The following NEGR1 variants were observed in gnomAD, a reference collection of about 807,000 sequenced individuals.
NEGR1 encodes IgLON family member 4.
NEGR1 carries 10 observed loss-of-function variants against 40.9 expected under a neutral mutation model. The observed-to-expected ratio is 0.24, with a 90% CI of 0.15 to 0.42. NEGR1 has a LOEUF of 0.42. Among genes scored for constraint, NEGR1 ranks in the 10% least tolerant of loss-of-function variants. The pLI is 1.00. For synonymous variants in NEGR1, 185 were observed against 166.8 expected (o/e 1.11, Z -0.84); for missense variants, 352 against 438.9 (o/e 0.80, Z 1.77).
At chr1:72,082,988 G>A (rs57290190) in intron 1 of NEGR1, among the ~76,000 whole-genome samples, 1 of 152,052 alleles carries the variant, frequency 6.6e-6, no homozygotes, top group Non-Finnish European at 1.5e-5. Flanking sequence ...TTGCTTCATT[G>A]TAGCAATTAT....
At chr1:72,099,298 C>G (rs566418555) in intron 1 of NEGR1, among the ~76,000 whole-genome samples, 4 of 151,790 alleles carry the variant, frequency 2.6e-5, no homozygotes, top group African/African-American at 9.7e-5. Flanking sequence ...AATACAATTG[C>G]TTTTCCTATC....
At chr1:72,225,869 T>A (rs753681398) in intron 1 of NEGR1, among the ~76,000 whole-genome samples, 16 of 151,772 alleles carry the variant, frequency 1.1e-4, no homozygotes, top group Non-Finnish European at 2.2e-4. Flanking sequence ...AATCTGTCAC[T>A]TTTGATGAAA....
chr1:71,660,175 G>A (rs1458313188), intron 4 of NEGR1, among the ~76,000 whole-genome samples: 2 of 152,144 alleles, frequency 1.3e-5, no homozygotes. Flanking sequence ...GTCTTTTGCA[G>A]AAACATGGAT....
At chr1:72,260,187 T>G (rs1266294207) in intron 1 of NEGR1, among the ~76,000 whole-genome samples, 1 of 152,048 alleles carries the variant, frequency 6.6e-6, no homozygotes, top group Non-Finnish European at 1.5e-5. Context: ...AGTGAAAGAA[T>G]CTAGATTACT....
At chr1:71,795,174 A>G (rs1399676630) in intron 2 of NEGR1, among the ~76,000 whole-genome samples, 5 of 152,036 alleles carry the variant, frequency 3.3e-5, no homozygotes, top group African/African-American at 1.2e-4. Flanking sequence ...CTGAAGATAC[A>G]CATATATCAC....
At chr1:71,946,688 A>G (rs1646022608) in intron 1 of NEGR1, among the ~76,000 whole-genome samples, 1 of 151,602 alleles carries the variant, frequency 6.6e-6, no homozygotes, top group East Asian at 1.9e-4. Context: ...AAAATGCTGT[A>G]TATAAATTAG....
intron 6 of NEGR1, among the ~76,000 whole-genome samples, chr1:71,429,275 T>C (rs1646450003): frequency 6.6e-6 from 1 of 152,192 alleles, no homozygotes; most frequent in African/African-American, 2.4e-5. Flanking sequence ...TTATTTTACA[T>C]ATCAGGAACA....
intron 3 of NEGR1, among the ~76,000 whole-genome samples, chr1:71,756,908 A>G (rs1655762909): frequency 6.6e-6 from 1 of 152,142 alleles, no homozygotes; most frequent in Non-Finnish European, 1.5e-5. Context: ...AAATTGTTTA[A>G]TAAATTCCAT....
chr1:71,968,151 T>G (rs1646225572), intron 1 of NEGR1, among the ~76,000 whole-genome samples: 2 of 152,182 alleles, frequency 1.3e-5, no homozygotes, highest in Admixed American at 6.5e-5. Context: ...AATTTTTCCC[T>G]TCAGAAATGT....
intron 6 of NEGR1, among the ~76,000 whole-genome samples, chr1:71,530,761 G>C (rs1227767698): frequency 6.6e-6 from 1 of 151,254 alleles, no homozygotes; most frequent in Non-Finnish European, 1.5e-5. Context: ...AATGGCTGCT[G>C]CTTGGGCATT....
chr1:72,282,256 G>C (rs1285761004), intron 1 of NEGR1, 63 bp downstream of exon 1: 1 of 1,576,564 alleles, frequency 6.3e-7, no homozygotes. Context: ...AAGGCAAAGA[G>C]GGTTCAAAGA....
chr1:71,412,683 C>T lies in NEGR1; in HGVS notation c.941-5113G>A, dbSNP rs946670090. ...AGGCAAAGTGTGTAATGAAATTGTT[C>T]TATTTCTTTCTTACTACCTGCTTAA... On this transcript the variant is annotated intron_variant, in intron 6 of 6. Coordinates refer to ENST00000357731, the MANE Select transcript of NEGR1 (RefSeq NM_173808.3). Among the ~76,000 whole-genome samples the T allele has an allele frequency of 4.6e-5, 7 of 152,114 alleles. No homozygotes were observed. The East Asian group carries it at 5.8e-4, about 13-fold the overall frequency.
chr1:71,883,313 T>C (rs1660630471), intron 2 of NEGR1, among the ~76,000 whole-genome samples: 1 of 152,150 alleles, frequency 6.6e-6, no homozygotes, highest in Admixed American at 6.6e-5. Flanking sequence ...TAGATTGAAA[T>C]ACCTGATTTA....
chr1:71,778,852 C>T (rs976034809), intron 2 of NEGR1, among the ~76,000 whole-genome samples: 4 of 152,130 alleles, frequency 2.6e-5, no homozygotes, highest in African/African-American at 9.7e-5. Context: ...AAGTGCTAAA[C>T]ATTATGCTAA....
chr1:71,780,712 T>C (rs1237262635), intron 2 of NEGR1, among the ~76,000 whole-genome samples: 3 of 152,244 alleles, frequency 2.0e-5, no homozygotes, highest in African/African-American at 7.2e-5. Flanking sequence ...ACTTAGTACC[T>C]GGTCTTCAAC....
chr1:71,997,339 A>G (rs1302360246), intron 1 of NEGR1, among the ~76,000 whole-genome samples: 1 of 152,026 alleles, frequency 6.6e-6, no homozygotes, highest in Non-Finnish European at 1.5e-5. Flanking sequence ...TAAATTGTAG[A>G]CACAACAGAC....
intron 1 of NEGR1, among the ~76,000 whole-genome samples, chr1:72,257,831 A>G (rs971818711): frequency 1.2e-4 from 17 of 147,190 alleles, no homozygotes; most frequent in African/African-American, 4.7e-4. Flanking sequence ...TAAATTCATA[A>G]AGAATGAAAA....
intron 2 of NEGR1, among the ~76,000 whole-genome samples, chr1:71,905,360 T>C (rs1279834084): frequency 2.0e-5 from 3 of 152,046 alleles, no homozygotes; most frequent in African/African-American, 7.2e-5. Context: ...TTTATATTTT[T>C]CTAATCTCAT....
rs2101242068 is a variant in NEGR1, at chr1:71,396,128, C to A, written c.*11318G>T. 1 of 152,120 alleles carries A rather than the reference C, an allele frequency of 6.6e-6. No homozygotes were observed. The highest frequency in any genetic ancestry group is 1.9e-4 in the East Asian group (1 of 5,194). 9.4% of individuals were successfully genotyped at this position (152,120 alleles called of 1,614,324 possible). A position where few individuals can be genotyped will look rare whatever the true frequency, so the allele number is the denominator to read the frequency against. On this transcript the variant is annotated 3_prime_UTR_variant, in exon 7 of 7. Coordinates refer to ENST00000357731, the MANE Select transcript of NEGR1 (RefSeq NM_173808.3). Reference sequence around the variant, plus strand: ...TTCTTAGGAGAAAATATACATTAATCTCTTTCTTTCCCTTCCTCTTTCTCT... The same window carrying A: ...TTCTTAGGAGAAAATATACATTAATATCTTTCTTTCCCTTCCTCTTTCTCT...
Sources: allele counts gnomAD v4.1 joint callset (sites outside exome capture counted in the v4.1 genomes callset), GRCh38; gene constraint gnomAD v4.1.1; transcripts MANE v1.5; gene names NCBI Gene and HGNC (gene_info 2026-07-23, HGNC 2026-07-21).